Variants in PBRM1 observed in about 807,000 individuals in gnomAD.
The protein encoded by PBRM1 is protein polybromo-1.
PBRM1 carries 27 observed loss-of-function variants against 194.5 expected under a neutral mutation model. The observed-to-expected ratio is 0.14, with a 90% CI of 0.10 to 0.19. The LOEUF is 0.19. PBRM1 is among the 10% of genes least tolerant of loss of function. PBRM1 has a pLI of 1.00. For missense variants in PBRM1, 1,466 were observed against 2,077.2 expected, an observed-to-expected ratio of 0.71 and a Z score of 5.72; for synonymous variants, 655 against 693.2, an observed-to-expected ratio of 0.94 and a Z score of 0.87.
chr3:52,669,715 C>G (rs1489610339), intron 2 of PBRM1, among the ~76,000 whole-genome samples: 1 of 152,094 alleles, frequency 6.6e-6, no homozygotes, highest in Non-Finnish European at 1.5e-5. Flanking sequence ...TGTATTCTGA[C>G]ATAAAAGTTG....
At chr3:52,562,302 G>A (rs1257754833) in intron 24 of PBRM1, among the ~76,000 whole-genome samples, 1 of 146,494 alleles carries the variant, frequency 6.8e-6, no homozygotes, top group Non-Finnish European at 1.5e-5. Flanking sequence ...ACTCCAGCCT[G>A]GGCGACAGAG....
At chr3:52,561,262 C>T (rs1040664783) in intron 25 of PBRM1, among the ~76,000 whole-genome samples, 1 of 151,972 alleles carries the variant, frequency 6.6e-6, no homozygotes, top group African/African-American at 2.4e-5. Flanking sequence ...ACCCAAATAC[C>T]TTAGAAGTAG....
chr3:52,585,902 T>G (rs893312553), intron 20 of PBRM1: 2 of 152,198 alleles, frequency 1.3e-5, no homozygotes, highest in African/African-American at 4.8e-5. Context: ...CTAATTGGAC[T>G]TGTCAAATAA....
At chr3:52,640,137 A>C (rs1351907443) in intron 10 of PBRM1, among the ~76,000 whole-genome samples, 1 of 152,110 alleles carries the variant, frequency 6.6e-6, no homozygotes, top group Non-Finnish European at 1.5e-5. Flanking sequence ...TTATCTGTGT[A>C]ATGATCTCTG....
At chr3:52,572,182 A>G (rs762558378) in intron 22 of PBRM1, among the ~76,000 whole-genome samples, 4 of 150,152 alleles carry the variant, frequency 2.7e-5, no homozygotes, top group Non-Finnish European at 5.9e-5. Context: ...TAGATCTTTT[A>G]TCTTCCTTGC....
At chr3:52,578,928 G>GT in intron 21 of PBRM1, 126 bp downstream of exon 23, 3 of 843,094 alleles carry the variant, frequency 3.6e-6, no homozygotes, top group Non-Finnish European at 6.2e-6. Flanking sequence ...GGGGAACATG[G>GT]TGTGAGAAGA....
At chr3:52,673,191 T>G (rs1290612615) in intron 2 of PBRM1, among the ~76,000 whole-genome samples, 2 of 150,566 alleles carry the variant, frequency 1.3e-5, no homozygotes, top group African/African-American at 2.4e-5. Flanking sequence ...TTTCACTATG[T>G]TGGCCAGGCT....
At chr3:52,648,950 G>A (rs1219985858) in intron 6 of PBRM1, among the ~76,000 whole-genome samples, 1 of 152,100 alleles carries the variant, frequency 6.6e-6, no homozygotes, top group Non-Finnish European at 1.5e-5. Context: ...AACAACCCAG[G>A]AATACTCATA....
At chr3:52,626,497 T>C (rs1292197046) in intron 13 of PBRM1, among the ~76,000 whole-genome samples, 4 of 152,244 alleles carry the variant, frequency 2.6e-5, no homozygotes, top group Non-Finnish European at 5.9e-5. Context: ...ATTAGCTTAT[T>C]CCTTATTGAA....
chr3:52,614,674 A>G (rs2094857096), intron 15 of PBRM1, among the ~76,000 whole-genome samples: 1 of 151,242 alleles, frequency 6.6e-6, no homozygotes, highest in South Asian at 2.1e-4. Flanking sequence ...AGGTTCAAGC[A>G]ATTCTCCTGA....
At chr3:52,630,317 G>A (rs1370391405) in intron 11 of PBRM1, among the ~76,000 whole-genome samples, 1 of 152,050 alleles carries the variant, frequency 6.6e-6, no homozygotes, top group Non-Finnish European at 1.5e-5. Flanking sequence ...TTGCTTTTGG[G>A]GAAACTCAAC....
At chr3:52,548,381 G>T in intron 29 of PBRM1, 146 bp from the exon 32 acceptor site, 2 of 555,706 alleles carry the variant, frequency 3.6e-6, no homozygotes, top group Non-Finnish European at 5.9e-6. Context: ...ATATTTCCAG[G>T]CACATTTCTT....
Position 52,676,653 on chromosome 3 carries a change from C to T in PBRM1, c.236+1847G>A, listed in dbSNP as rs148194633. Among the ~76,000 whole-genome samples, 785 of 152,196 alleles carry T rather than the reference C, an allele frequency of 5.2e-3. 8 individuals carry two copies. The highest frequency in any genetic ancestry group is 0.018 in the African/African-American group (750 of 41,514). Reference sequence around the variant, plus strand: ...AGAGTTGGGCGCTGCTGAAAAGATACCCGAAAATGTGGAAGCGACTTTGGA... The same window carrying T: ...AGAGTTGGGCGCTGCTGAAAAGATATCCGAAAATGTGGAAGCGACTTTGGA... On this transcript the variant is annotated intron_variant, in intron 2 of 29. Transcript: ENST00000296302.
At chr3:52,679,796 T>C, upstream of PBRM1, 2 of 1,218,952 alleles carry the variant, frequency 1.6e-6, no homozygotes. Context: ...GCTGGACACC[T>C]GCTACCAAAC....
chr3:52,579,397 G>GC (rs2090514068), intron 20 of PBRM1, among the ~76,000 whole-genome samples, 198 bp from the exon 23 acceptor site: 2 of 152,134 alleles, frequency 1.3e-5, no homozygotes, highest in South Asian at 4.1e-4. Flanking sequence ...ACCAGCTTGG[G>GC]CAACATAGTG....
intron 22 of PBRM1, among the ~76,000 whole-genome samples, chr3:52,571,626 C>CAAAAAAAA (rs778993265): frequency 2.6e-5 from 1 of 38,706 alleles, no homozygotes; most frequent in Non-Finnish European, 4.4e-5. Flanking sequence ...AACTCCATCT[C>CAAAAAAAA]AAAAAAAAAA....
intron 17 of PBRM1, among the ~76,000 whole-genome samples, chr3:52,598,070 T>C (rs964930745): frequency 3.9e-5 from 6 of 152,220 alleles, no homozygotes; most frequent in Non-Finnish European, 5.9e-5. Flanking sequence ...AACTTTGTAT[T>C]CTAATATTTC....
At chr3:52,547,984 C>T (rs1031052687), downstream of PBRM1, 8 of 1,208,236 alleles carry the variant, frequency 6.6e-6, no homozygotes, top group Non-Finnish European at 8.3e-6. Flanking sequence ...TTTGTTCCTT[C>T]CCCCCACCCC....
intron 23 of PBRM1, 117 bp from the exon 26 acceptor site, chr3:52,563,610 C>A (rs1016373536): frequency 3.0e-6 from 2 of 670,926 alleles, no homozygotes; most frequent in African/African-American, 1.8e-5. Context: ...AATATATGCT[C>A]TAAAGGCAGC....
Sources: gnomAD v4.1 joint callset for allele counts (sites outside exome capture counted in the v4.1 genomes callset) on GRCh38, gnomAD v4.1.1 for gene constraint, MANE v1.5 for transcripts, NCBI Gene and HGNC (gene_info 2026-07-23, HGNC 2026-07-21) for gene names.